EDIL3: variants seen among roughly 807,000 people sequenced by gnomAD.
The protein encoded by EDIL3 is EGF-like repeat and discoidin I-like domain-containing protein 3.
Under a neutral mutation model 67.4 loss-of-function variants are expected in EDIL3, and 37 were observed. The observed-to-expected ratio is 0.55, with a 90% confidence interval of 0.42 to 0.72. The LOEUF is 0.72. Ranked by LOEUF, EDIL3 falls within the 30% of genes least tolerant of loss-of-function variation. The probability of loss-of-function intolerance (pLI) is 0.00; values close to 1 mark genes in which losing one functional copy is unlikely to be tolerated. For synonymous variants in EDIL3, 195 were observed against 196.3 expected, an observed-to-expected ratio of 0.99 and a Z score of 0.05; for missense variants, 527 against 586.3, an observed-to-expected ratio of 0.90 and a Z score of 1.04.
intron 1 of EDIL3, among the ~76,000 whole-genome samples, chr5:84,284,962 GCT>G (rs1745781344): frequency 1.3e-5 from 2 of 152,242 alleles, no homozygotes; most frequent in African/African-American, 4.8e-5. Context: ...ACCAGAGAAT[GCT>G]CTGTGATGGG....
chr5:84,252,859 A>G (rs1745049775), intron 2 of EDIL3, among the ~76,000 whole-genome samples: 1 of 152,158 alleles, frequency 6.6e-6, no homozygotes, highest in Non-Finnish European at 1.5e-5. Context: ...ACCTCCTAAA[A>G]TATCAGTGAG....
At chr5:84,205,201 C>G (rs979100677) in intron 3 of EDIL3, among the ~76,000 whole-genome samples, 1 of 151,826 alleles carries the variant, frequency 6.6e-6, no homozygotes, top group Non-Finnish European at 1.5e-5. Flanking sequence ...CAGGTGTTAG[C>G]CACCATGCCA....
chr5:84,215,782 G>A (rs1389226722), intron 3 of EDIL3, among the ~76,000 whole-genome samples: 1 of 152,182 alleles, frequency 6.6e-6, no homozygotes, highest in Non-Finnish European at 1.5e-5. Context: ...AGAACAATGT[G>A]TCCAGGGTTT....
chr5:83,996,767 A>G (rs903029216), intron 9 of EDIL3, among the ~76,000 whole-genome samples: 8 of 152,220 alleles, frequency 5.3e-5, no homozygotes, highest in Admixed American at 3.3e-4. Flanking sequence ...TTCCTAGAAA[A>G]GGTGATATGT....
chr5:84,221,422 C>T (rs577800818), intron 3 of EDIL3, among the ~76,000 whole-genome samples: 23 of 152,012 alleles, frequency 1.5e-4, no homozygotes, highest in Non-Finnish European at 2.8e-4. Flanking sequence ...CCTACTGGCA[C>T]CATGATCCTG....
At chr5:83,980,672 T>C (rs1224630755) in intron 9 of EDIL3, among the ~76,000 whole-genome samples, 1 of 73,006 alleles carries the variant, frequency 1.4e-5, no homozygotes, top group Non-Finnish European at 2.6e-5. Flanking sequence ...TGGTGAAAGA[T>C]TGAAATATAT....
At chr5:83,977,046 G>A (rs1259988571) in intron 9 of EDIL3, among the ~76,000 whole-genome samples, 10 of 151,754 alleles carry the variant, frequency 6.6e-5, no homozygotes, top group South Asian at 6.2e-4. Flanking sequence ...TGTGAGGAAC[G>A]TTCTTATACT....
chr5:84,335,151 T>C (rs924674509), intron 1 of EDIL3, among the ~76,000 whole-genome samples: 9 of 152,166 alleles, frequency 5.9e-5, no homozygotes, highest in Non-Finnish European at 1.3e-4. Flanking sequence ...TGTGATTTTG[T>C]TTATACCTTC....
chr5:84,236,029 T>C (rs955100605), intron 2 of EDIL3, among the ~76,000 whole-genome samples: 1 of 152,064 alleles, frequency 6.6e-6, no homozygotes, highest in Non-Finnish European at 1.5e-5. Flanking sequence ...TTAGTGGTGA[T>C]ATAGTTTACA....
chr5:84,188,283 T>C (rs1743506695), intron 3 of EDIL3, among the ~76,000 whole-genome samples: 1 of 151,456 alleles, frequency 6.6e-6, no homozygotes, highest in African/African-American at 2.4e-5. Flanking sequence ...TCCTTCAGAG[T>C]TCTAGAAGCT....
intron 3 of EDIL3, among the ~76,000 whole-genome samples, chr5:84,220,436 T>A (rs893216431): frequency 6.6e-6 from 1 of 152,208 alleles, no homozygotes; most frequent in Admixed American, 6.5e-5. Context: ...ATTATTGAGA[T>A]GTACACCAAA....
At chr5:84,348,829 A>G (rs1747293912) in intron 1 of EDIL3, among the ~76,000 whole-genome samples, 1 of 152,196 alleles carries the variant, frequency 6.6e-6, no homozygotes, top group African/African-American at 2.4e-5. Context: ...AACTTGTACA[A>G]GATTCATACA....
intron 9 of EDIL3, among the ~76,000 whole-genome samples, chr5:83,977,072 A>G (rs1744888494): frequency 6.6e-6 from 1 of 151,878 alleles, no homozygotes; most frequent in Middle Eastern, 3.4e-3. Flanking sequence ...CTTGGTAAAG[A>G]TACTCAAAAT....
At chr5:84,377,152 C>T (rs1747983782) in intron 1 of EDIL3, among the ~76,000 whole-genome samples, 1 of 152,000 alleles carries the variant, frequency 6.6e-6, no homozygotes, top group Admixed American at 6.6e-5. Context: ...CGGTGAAACC[C>T]CGTCTCTACT....
intron 4 of EDIL3, among the ~76,000 whole-genome samples, chr5:84,139,258 A>C (rs350492): frequency 0.21 from 30,259 of 143,988 alleles, 3,738 homozygotes; most frequent in East Asian, 0.32. Flanking sequence ...AGTATGATAG[A>C]CTCCTAAATA....
chr5:84,120,033 C>T (rs1022101618), intron 5 of EDIL3, among the ~76,000 whole-genome samples: 6 of 151,902 alleles, frequency 3.9e-5, no homozygotes, highest in Non-Finnish European at 7.4e-5. Context: ...CAACTCTTTT[C>T]ATAATCTGTT....
At chr5:84,133,594 T>C (rs1413366247) in intron 5 of EDIL3, among the ~76,000 whole-genome samples, 1 of 150,568 alleles carries the variant, frequency 6.6e-6, no homozygotes, top group African/African-American at 2.4e-5. Context: ...GCCACTACAC[T>C]CCAGCCTGGG....
intron 6 of EDIL3, among the ~76,000 whole-genome samples, chr5:84,076,210 T>G (rs1199327126): frequency 6.6e-6 from 1 of 152,120 alleles, no homozygotes; most frequent in Non-Finnish European, 1.5e-5. Context: ...TTCAATCTAT[T>G]GCAATATGTT....
At chr5:84,130,255 T>A (rs1458462394) in intron 5 of EDIL3, among the ~76,000 whole-genome samples, 1 of 152,210 alleles carries the variant, frequency 6.6e-6, no homozygotes, top group African/African-American at 2.4e-5. Flanking sequence ...TTCTTTTTTC[T>A]CTCTCATTAA....
Sources: allele counts gnomAD v4.1 joint callset (sites outside exome capture counted in the v4.1 genomes callset), GRCh38; gene constraint gnomAD v4.1.1; transcripts MANE v1.5; gene names NCBI Gene and HGNC (gene_info 2026-07-23, HGNC 2026-07-21).